Variants in PCGF3 observed in about 807,000 individuals in gnomAD.
The protein encoded by PCGF3 is polycomb group ring finger 3, also known as polycomb group RING finger protein 3.
Under a neutral mutation model 33.1 loss-of-function variants are expected in PCGF3, and 7 were observed. The ratio of observed to expected loss-of-function variants is 0.21; its 90% CI spans 0.12 to 0.40. PCGF3 has a LOEUF of 0.40. Among genes scored for constraint, PCGF3 ranks in the 10% least tolerant of loss-of-function variants. The pLI is 1.00. For missense variants in PCGF3, 211 were observed against 313.3 expected (o/e 0.67, Z 2.46); for synonymous variants, 153 against 121.3 (o/e 1.26, Z -1.72).
intron 6 of PCGF3, among the ~76,000 whole-genome samples, chr4:738,116 C>T (rs73221135): frequency 0.033 from 5,026 of 152,332 alleles, 134 homozygotes; most frequent in South Asian, 0.089. Context: ...GCCAGGTCAG[C>T]GCCAGGTGGG....
intron 9 of PCGF3, chr4:761,770 G>C (rs1033228303): frequency 2.0e-6 from 2 of 985,306 alleles, no homozygotes; most frequent in African/African-American, 3.5e-5. Flanking sequence ...ACCCTTCCAG[G>C]CTGTGGTGTG....
At chr4:722,832 A>G (rs1323944246) in intron 1 of PCGF3, among the ~76,000 whole-genome samples, 1 of 42,070 alleles carries the variant, frequency 2.4e-5, no homozygotes, top group Non-Finnish European at 3.9e-5. Flanking sequence ...ATCGCCATCC[A>G]CGCCGGGTCC....
rs1745336729 is a variant in PCGF3, at chr4:765,806, C to T, written c.682-226C>T. 2.6e-5 allele frequency among the ~76,000 whole-genome samples: 4 copies of T among 152,118 alleles called. No homozygotes were observed. In the South Asian group the frequency reaches 8.3e-4, roughly 32 times the overall value. On this transcript the variant is annotated intron_variant, in intron 10 of 10. Coordinates refer to ENST00000362003, the Ensembl canonical transcript of PCGF3. The stretch of plus-strand genomic sequence containing the variant: ...GCCACCACGGTGTGCACAGTGGTCA[C>T]TGGGTCACCTGGGGCCAGGGGAGAG...
At position 761,268 on chromosome 4, in the gene PCGF3, C is replaced by G. The variant is rs147938573; in HGVS notation, c.463-11C>G. On this transcript the variant is annotated splice_polypyrimidine_tract_variant and intron_variant, in intron 8 of 10. Transcript: ENST00000362003. ...CTCCTGCTGCGCTCTCACCAGCGTC[C>G]TTTCCCGCAGGTGAGCATCTGCCTG... 1.6e-4 allele frequency: 259 copies of G among 1,573,826 alleles called. No homozygotes were observed. In the African/African-American group the frequency reaches 3.2e-3, roughly 19 times the overall value.
chr4:755,452 T>C (rs984606539), intron 8 of PCGF3, among the ~76,000 whole-genome samples: 2 of 152,172 alleles, frequency 1.3e-5, no homozygotes, highest in Non-Finnish European at 2.9e-5. Flanking sequence ...GGCTACCTCC[T>C]CCCTCGCCGC....
At chr4:754,155 C>T (rs528848331) in intron 8 of PCGF3, among the ~76,000 whole-genome samples, 2 of 152,100 alleles carry the variant, frequency 1.3e-5, no homozygotes, top group Non-Finnish European at 2.9e-5. Context: ...TGTCCCAGCA[C>T]CAGAAACAGG....
chr4:711,434 G>A (rs1443528644), intron 1 of PCGF3, among the ~76,000 whole-genome samples: 1 of 148,218 alleles, frequency 6.7e-6, no homozygotes, highest in African/African-American at 2.5e-5. Context: ...AGTTGAAAAT[G>A]TAATTTTTCT....
At chr4:767,579 GCTTC>G (rs1745438158) in exon 11 of PCGF3, 1 of 151,902 alleles carries the variant, frequency 6.6e-6, no homozygotes, top group African/African-American at 2.4e-5. Context: ...GTTTTCTTCT[GCTTC>G]CTTTAGATAA....
chr4:760,750 G>A (rs1419079759), intron 8 of PCGF3, among the ~76,000 whole-genome samples: 2 of 152,218 alleles, frequency 1.3e-5, no homozygotes, highest in Non-Finnish European at 2.9e-5. Context: ...ACCGGGCAGG[G>A]AGCCCGTGGC....
intron 1 of PCGF3, among the ~76,000 whole-genome samples, chr4:727,547 GT>G (rs969710597): frequency 2.6e-5 from 4 of 151,596 alleles, no homozygotes; most frequent in Admixed American, 1.3e-4. Context: ...GCTGAGTTTT[GT>G]TTTTTTTAAA....
At chr4:748,723 C>T (rs1321599254) in intron 8 of PCGF3, among the ~76,000 whole-genome samples, 1 of 152,166 alleles carries the variant, frequency 6.6e-6, no homozygotes, top group East Asian at 1.9e-4. Context: ...GTTGACGTAC[C>T]TGGTGCTTCC....
chr4:732,337 CTCCCCTCCCTTCCCT>C (rs1422258986), intron 3 of PCGF3: 123 of 153,726 alleles, frequency 8.0e-4, no homozygotes, highest in African/African-American at 2.9e-3. Flanking sequence ...CCCTTCCCTC[CTCCCCTCCCTTCCCT>C]TCCCCTCCCC....
intron 1 of PCGF3, among the ~76,000 whole-genome samples, chr4:714,679 C>T (rs573672652): frequency 2.0e-5 from 3 of 152,302 alleles, no homozygotes; most frequent in East Asian, 3.9e-4. Flanking sequence ...GGACCGGGCT[C>T]GCATCCTTCC....
intron 10 of PCGF3, among the ~76,000 whole-genome samples, 194 bp downstream of exon 10, chr4:765,258 C>T (rs940249626): frequency 3.3e-5 from 5 of 152,152 alleles, no homozygotes; most frequent in Admixed American, 1.3e-4. Context: ...ATGGTGAAAC[C>T]CAATCTCTAC....
Position 734,130 on chromosome 4 carries a change from G to A in PCGF3, c.109+341G>A, listed in dbSNP as rs553155510. The A allele has an allele frequency of 3.2e-5, 49 of 1,550,650 alleles. No homozygotes were observed. In the African/African-American group the frequency reaches 5.5e-4, roughly 17 times the overall value. ...AGAGGAGTTCCTTAGATCCTTCAAAGGGGAACCTTCCAGTGTGTTCTTCAC... is the reference window on the plus strand; with the variant it reads ...AGAGGAGTTCCTTAGATCCTTCAAAAGGGAACCTTCCAGTGTGTTCTTCAC... On this transcript the variant is annotated intron_variant, in intron 4 of 10. Coordinates refer to ENST00000362003, the Ensembl canonical transcript of PCGF3.
intron 8 of PCGF3, among the ~76,000 whole-genome samples, chr4:749,266 G>T (rs1302696987): frequency 6.6e-6 from 1 of 152,092 alleles, no homozygotes; most frequent in African/African-American, 2.4e-5. Flanking sequence ...CCATGTTCAA[G>T]CGATTATCCT....
chr4:708,351 A>G (rs1205945057), intron 1 of PCGF3, among the ~76,000 whole-genome samples: 1 of 152,076 alleles, frequency 6.6e-6, no homozygotes, highest in Non-Finnish European at 1.5e-5. Flanking sequence ...AGGCCCCAAG[A>G]CTGGACTGTA....
In PCGF3 at chr4:715,090, G is replaced by A. The variant is rs1429785402; in HGVS notation, c.-190+9120G>A. ...TGTGAGAACTGGGCGTCGGTGCTGG[G>A]ACCCTGTAGACTCTGTGAGTGTGAG... On this transcript the variant is annotated intron_variant, in intron 1 of 10. Transcript: ENST00000362003. Among the ~76,000 whole-genome samples the A allele has an allele frequency of 2.7e-5, 4 of 148,736 alleles. 1 individual carries two copies. The East Asian group carries it at 6.1e-4, about 23-fold the overall frequency.
chr4:755,087 G>A lies in PCGF3; in HGVS notation c.463-6192G>A, dbSNP rs73058457. On this transcript the variant is annotated intron_variant, in intron 8 of 10. Coordinates refer to ENST00000362003, the Ensembl canonical transcript of PCGF3. ...AGAGTTGCATTTCGAGGTGTGTAAC[G>A]TACCCGCTTGATGGTGACTGCTGTG... Among the ~76,000 whole-genome samples the A allele has an allele frequency of 4.4e-3, 667 of 152,352 alleles. 3 individuals are homozygous for A. Among genetic ancestry groups the A allele is most frequent in the South Asian group, 0.015 (72 of 4,834 alleles).
Sources: allele counts gnomAD v4.1 joint callset (sites outside exome capture counted in the v4.1 genomes callset), GRCh38; gene constraint gnomAD v4.1.1; transcripts MANE v1.5; gene names NCBI Gene and HGNC (gene_info 2026-07-23, HGNC 2026-07-21).